Variants in DHX37 observed in about 807,000 individuals in gnomAD.
DHX37 encodes DEAH-box helicase 37, also known as probable ATP-dependent RNA helicase DHX37.
In DHX37, 52 loss-of-function variants were observed where a neutral mutation model predicts 134.3. That is an observed-to-expected ratio of 0.39 (90% CI 0.31 to 0.49). The LOEUF (loss-of-function observed/expected upper bound fraction) is 0.49, where lower values mean the gene tolerates loss of function less well. DHX37 is among the 20% of genes least tolerant of loss of function. The pLI is 0.93. For synonymous variants in DHX37, 634 were observed against 670.7 expected (o/e 0.95, Z 0.85); for missense variants, 1,344 against 1,580.8 (o/e 0.85, Z 2.54).
chr12:124,966,575 G>A (rs1954392738), intron 12 of DHX37, among the ~76,000 whole-genome samples: 1 of 152,198 alleles, frequency 6.6e-6, no homozygotes, highest in South Asian at 2.1e-4. Context: ...TGTTGCCCAA[G>A]CTGGTCTCAA....
intron 25 of DHX37, chr12:124,948,401 G>T: frequency 1.3e-6 from 1 of 760,502 alleles, no homozygotes; most frequent in Non-Finnish European, 2.1e-6. Context: ...AGTGAACCAT[G>T]ACTGCACCAC....
chr12:124,952,372 G>A (rs373457030), intron 21 of DHX37, 26 bp downstream of exon 21: 13 of 1,588,352 alleles, frequency 8.2e-6, no homozygotes, highest in African/African-American at 6.7e-5. Context: ...CAAGCTACCC[G>A]GGCAGGGAGG....
intron 2 of DHX37, among the ~76,000 whole-genome samples, 165 bp from the exon 3 acceptor site, chr12:124,982,788 C>G (rs147151273): frequency 6.6e-6 from 1 of 152,180 alleles, no homozygotes; most frequent in Non-Finnish European, 1.5e-5. Context: ...TCAACAGACA[C>G]AGCAAGCTGG....
At chr12:124,984,849 C>T (rs143996384) in intron 2 of DHX37, among the ~76,000 whole-genome samples, 118 of 152,288 alleles carry the variant, frequency 7.7e-4, no homozygotes, top group Non-Finnish European at 1.4e-3. Flanking sequence ...AACTTGCGAA[C>T]GTGACCCTAT....
chr12:124,978,392 A>G (rs1027741449), intron 4 of DHX37, among the ~76,000 whole-genome samples: 3 of 151,130 alleles, frequency 2.0e-5, no homozygotes, highest in Admixed American at 6.6e-5. Flanking sequence ...ATCTTGGCTC[A>G]CTGCAACCTC....
At chr12:124,960,891 G>A (rs1212672279) in intron 15 of DHX37, among the ~76,000 whole-genome samples, 2 of 152,248 alleles carry the variant, frequency 1.3e-5, no homozygotes, top group African/African-American at 2.4e-5. Flanking sequence ...GGAGGCAAAG[G>A]TTGGGGTGAG....
chr12:124,978,912 A>G (rs1211193381), intron 4 of DHX37, among the ~76,000 whole-genome samples: 1 of 151,548 alleles, frequency 6.6e-6, no homozygotes, highest in Non-Finnish European at 1.5e-5. Context: ...AGCCTGGGTA[A>G]CAGAACAAGA....
At chr12:124,968,511 C>A in intron 10 of DHX37, 23 bp downstream of exon 10, 1 of 1,610,076 alleles carries the variant, frequency 6.2e-7, no homozygotes, top group Non-Finnish European at 8.5e-7. Context: ...GGCTTCTTTC[C>A]CCTGACCTGG....
chr12:124,973,024 C>G (rs547025054), intron 6 of DHX37, among the ~76,000 whole-genome samples: 19 of 152,332 alleles, frequency 1.2e-4, no homozygotes, highest in Non-Finnish European at 2.2e-4. Flanking sequence ...CACCTGTAGT[C>G]CCAGCTACTC....
rs371393599 is a variant in DHX37 at position 124,946,864 on chromosome 12, C to T, written c.*938G>A. Reference sequence around the variant, plus strand: ...CATTTTATTCCATAACTGTCTCCACCGAAGCCGCAGAAGCAAAGCCAGGAG... The same window carrying T: ...CATTTTATTCCATAACTGTCTCCACTGAAGCCGCAGAAGCAAAGCCAGGAG... On this transcript the variant is annotated 3_prime_UTR_variant, in exon 27 of 27. Coordinates refer to ENST00000308736, the MANE Select transcript of DHX37 (RefSeq NM_032656.4). 6 of 152,368 alleles carry T rather than the reference C, an allele frequency of 3.9e-5. No homozygotes were observed. In the East Asian group the frequency reaches 5.8e-4, roughly 15 times the overall value. The allele number at this position is 152,368 out of a possible 1,614,324, so 9.4% of individuals were successfully genotyped here. A position where few individuals can be genotyped will look rare whatever the true frequency, so the allele number is the denominator to read the frequency against.
At chr12:124,971,446 T>G in intron 7 of DHX37, 31 bp from the exon 8 acceptor site, 1 of 1,608,378 alleles carries the variant, frequency 6.2e-7, no homozygotes, top group Non-Finnish European at 8.5e-7. Context: ...AGGCCCACCC[T>G]TCCAGCCTAA....
In DHX37 at chr12:124,956,839, T is replaced by C; in HGVS notation, c.2305A>G (p.Thr769Ala). ...LQENRLSCPI[T>A]ALGRTMATFP... ...GTGGCCATTGTCCGGCCCAGCGCAG[T>C]GATGGGGCAGCTCAGCCGGTTCTCC... Residue 769 changes from threonine to alanine, a missense_variant, in exon 18 of 27, where the codon ACT becomes GCT. Thr to Ala is a moderately conservative substitution (Grantham distance 58). Transcript: ENST00000308736. 1 of 1,605,926 alleles carries C rather than the reference T, an allele frequency of 6.2e-7. No individual in the cohort carries two copies. The highest frequency in any genetic ancestry group is 2.2e-5 in the East Asian group (1 of 44,548).
intron 5 of DHX37, among the ~76,000 whole-genome samples, chr12:124,976,272 C>G (rs936463968): frequency 6.6e-6 from 1 of 152,210 alleles, no homozygotes; most frequent in Admixed American, 6.5e-5. Context: ...CTGCTGATCG[C>G]GTCCTTCGCT....
intron 15 of DHX37, among the ~76,000 whole-genome samples, chr12:124,963,713 C>CAAAAAAAAA (rs140757458): frequency 8.7e-6 from 1 of 115,434 alleles, no homozygotes. Flanking sequence ...ACTAAAAATA[C>CAAAAAAAAA]AAAAAAAAAA....
intron 15 of DHX37, among the ~76,000 whole-genome samples, chr12:124,961,261 C>CCT (rs138531385): frequency 8.8e-6 from 1 of 114,196 alleles, no homozygotes; most frequent in African/African-American, 5.5e-5. Context: ...CGCACGCACA[C>CCT]ACATACACGC....
At chr12:124,973,596 T>C (rs1954564843) in intron 6 of DHX37, among the ~76,000 whole-genome samples, 1 of 151,058 alleles carries the variant, frequency 6.6e-6, no homozygotes, top group African/African-American at 2.4e-5. Context: ...GGGGGCTCAT[T>C]ATACTATCCT....
intron 4 of DHX37, among the ~76,000 whole-genome samples, chr12:124,978,557 A>G (rs926811490): frequency 6.6e-6 from 1 of 150,470 alleles, no homozygotes; most frequent in Admixed American, 6.6e-5. Context: ...ACCTCAGGTG[A>G]TCCACCCGCC....
intron 12 of DHX37, 100 bp from the exon 13 acceptor site, chr12:124,965,912 C>T: frequency 1.3e-6 from 2 of 1,483,328 alleles, no homozygotes; most frequent in African/African-American, 2.8e-5. Context: ...AAGCCCCGGT[C>T]CACACCCATG....
intron 20 of DHX37, chr12:124,952,857 T>G (rs1954002325): frequency 4.0e-6 from 1 of 252,046 alleles, no homozygotes; most frequent in African/African-American, 2.2e-5. Context: ...GGCCTCAGAC[T>G]CAGTTCTGGT....
Sources: gnomAD v4.1 joint callset for allele counts (sites outside exome capture counted in the v4.1 genomes callset) on GRCh38, gnomAD v4.1.1 for gene constraint, MANE v1.5 for transcripts, NCBI Gene and HGNC (gene_info 2026-07-23, HGNC 2026-07-21) for gene names.